Variants in BICD1 observed in about 807,000 individuals in gnomAD.
BICD1 encodes the protein BICD cargo adaptor 1, also known as protein bicaudal D homolog 1.
Under a neutral mutation model 92.5 loss-of-function variants are expected in BICD1, and 35 were observed. That is an observed-to-expected ratio of 0.38 (90% CI 0.29 to 0.50). BICD1 has a LOEUF of 0.50. Ranked by LOEUF, BICD1 falls within the 20% of genes least tolerant of loss-of-function variation. The pLI is 0.93. For synonymous variants in BICD1, 429 were observed against 465.1 expected (o/e 0.92, Z 1.00); for missense variants, 950 against 1,189.8 (o/e 0.80, Z 2.97).
chr12:32,186,773 A>G (rs912745044), intron 1 of BICD1, among the ~76,000 whole-genome samples: 4 of 152,186 alleles, frequency 2.6e-5, no homozygotes, highest in African/African-American at 9.7e-5. Flanking sequence ...TGACTTGACA[A>G]CTTTGCAAAT....
chr12:32,235,654 C>T (rs1211978457), intron 2 of BICD1, among the ~76,000 whole-genome samples: 2 of 151,158 alleles, frequency 1.3e-5, no homozygotes, highest in Non-Finnish European at 2.9e-5. Flanking sequence ...CCTTTTATGA[C>T]TGTGTCACAT....
At chr12:32,249,547 G>C (rs183578517) in intron 2 of BICD1, among the ~76,000 whole-genome samples, 4 of 152,186 alleles carry the variant, frequency 2.6e-5, no homozygotes, top group African/African-American at 9.6e-5. Flanking sequence ...GGCTGTAAGG[G>C]GAGGATTCTT....
At chr12:32,249,434 A>G (rs1482312677) in intron 2 of BICD1, among the ~76,000 whole-genome samples, 1 of 152,166 alleles carries the variant, frequency 6.6e-6, no homozygotes, top group Non-Finnish European at 1.5e-5. Context: ...TTGTCTGTGA[A>G]TATGTCTTTC....
chr12:32,283,614 A>C lies in BICD1; in HGVS notation c.427-10380A>C, dbSNP rs539383693. On this transcript the variant is annotated intron_variant, in intron 2 of 9. Transcript: ENST00000652176. Reference sequence around the variant, plus strand: ...GAACCACCGTTGTAGATAATGAGCAAATTGGGGATCAAAGGATAGGAAACG... The same window carrying C: ...GAACCACCGTTGTAGATAATGAGCACATTGGGGATCAAAGGATAGGAAACG... Among the ~76,000 whole-genome samples the C allele has an allele frequency of 1.6e-3, 245 of 152,336 alleles. 2 individuals are homozygous for C. Among genetic ancestry groups the C allele is most frequent in the African/African-American group, 5.7e-3 (237 of 41,570 alleles).
chr12:32,225,850 G>T (rs1945673562), intron 2 of BICD1, among the ~76,000 whole-genome samples: 2 of 151,922 alleles, frequency 1.3e-5, no homozygotes, highest in Admixed American at 1.3e-4. Context: ...TCAAACTCCT[G>T]GCCTCAGGTG....
At chr12:32,199,229 A>C (rs186032690) in intron 1 of BICD1, among the ~76,000 whole-genome samples, 261 of 152,380 alleles carry the variant, frequency 1.7e-3, no homozygotes, top group African/African-American at 6.1e-3. Flanking sequence ...ATTGGGATTC[A>C]ATCACATTTT....
intron 2 of BICD1, among the ~76,000 whole-genome samples, chr12:32,231,938 T>C (rs1945904830): frequency 6.6e-6 from 1 of 151,280 alleles, no homozygotes; most frequent in Admixed American, 6.6e-5. Flanking sequence ...TATGGCTGCA[T>C]AGTATTCCAT....
At chr12:32,107,607 A>G in intron 1 of BICD1, 63 bp downstream of exon 1, 1 of 1,487,896 alleles carries the variant, frequency 6.7e-7, no homozygotes, top group Non-Finnish European at 9.1e-7. Flanking sequence ...AGGCCCACTC[A>G]TCATGATCAA....
chr12:32,342,455 A>G (rs571451358), intron 8 of BICD1, among the ~76,000 whole-genome samples: 190 of 151,598 alleles, frequency 1.3e-3, no homozygotes, highest in Non-Finnish European at 2.3e-3. Context: ...GGGGTTTCAC[A>G]GTATTAGCCA....
intron 1 of BICD1, among the ~76,000 whole-genome samples, chr12:32,116,502 CTCTCTCTCTATA>C (rs1240574348): frequency 7.7e-5 from 6 of 77,532 alleles, no homozygotes; most frequent in African/African-American, 2.1e-4. Flanking sequence ...TTCTCTCTCT[CTCTCTCTCTATA>C]TATATATATA....
chr12:32,307,798 G>C (rs927136141), intron 4 of BICD1, among the ~76,000 whole-genome samples: 1 of 152,196 alleles, frequency 6.6e-6, no homozygotes, highest in Admixed American at 6.5e-5. Flanking sequence ...ATATTTCCTT[G>C]TGAAAAAGTT....
chr12:32,211,428 C>G (rs947595195), intron 1 of BICD1, among the ~76,000 whole-genome samples: 2 of 152,010 alleles, frequency 1.3e-5, no homozygotes, highest in Non-Finnish European at 2.9e-5. Context: ...TTTTGAAAAT[C>G]TATTCTGGGT....
intron 2 of BICD1, among the ~76,000 whole-genome samples, chr12:32,236,513 C>T (rs1435616308): frequency 1.3e-5 from 2 of 152,146 alleles, no homozygotes; most frequent in Admixed American, 6.6e-5. Context: ...CCTCCCTATT[C>T]CATGAGACAC....
chr12:32,232,826 C>T (rs1945932549), intron 2 of BICD1, among the ~76,000 whole-genome samples: 1 of 152,108 alleles, frequency 6.6e-6, no homozygotes, highest in African/African-American at 2.4e-5. Flanking sequence ...GTTTTCCCAG[C>T]ACCATTTATT....
intron 8 of BICD1, among the ~76,000 whole-genome samples, chr12:32,349,416 T>C (rs1260793388): frequency 6.6e-6 from 1 of 152,068 alleles, no homozygotes; most frequent in Non-Finnish European, 1.5e-5. Context: ...GAGAAGCCAA[T>C]CTCTAGGTTA....
At chr12:32,152,959 G>GT (rs1487447030) in intron 1 of BICD1, among the ~76,000 whole-genome samples, 2 of 152,032 alleles carry the variant, frequency 1.3e-5, no homozygotes, top group Non-Finnish European at 2.9e-5. Context: ...ACATGTGCAG[G>GT]TTTTTTACTG....
intron 1 of BICD1, among the ~76,000 whole-genome samples, chr12:32,203,377 C>T (rs1944961768): frequency 6.6e-6 from 1 of 152,122 alleles, no homozygotes; most frequent in South Asian, 2.1e-4. Context: ...AAAGACATCG[C>T]TAAAAGAGTG....
rs1216414616 is a variant in BICD1, at chr12:32,383,552, T to A, written c.*5925T>A. On this transcript the variant is annotated 3_prime_UTR_variant, in exon 10 of 10. Transcript: ENST00000652176. The stretch of plus-strand genomic sequence containing the variant: ...AGAAGCCAATATATCGATTCTTATA[T>A]CTCGGTTTATGTTACCAACTGAATA... The A allele has an allele frequency of 6.6e-6, 1 of 152,184 alleles. No homozygotes were observed. The highest frequency in any genetic ancestry group is 1.5e-5 in the Non-Finnish European group (1 of 68,010). The allele number at this position is 152,184 out of a possible 1,614,324, so 9.4% of individuals were successfully genotyped here.
intron 2 of BICD1, among the ~76,000 whole-genome samples, chr12:32,252,923 G>A (rs1219683219): frequency 6.6e-6 from 1 of 152,168 alleles, no homozygotes; most frequent in Non-Finnish European, 1.5e-5. Context: ...CCCGGCTGGA[G>A]TGCAGTGGCA....
Sources: allele counts gnomAD v4.1 joint callset (sites outside exome capture counted in the v4.1 genomes callset), GRCh38; gene constraint gnomAD v4.1.1; transcripts MANE v1.5; gene names NCBI Gene and HGNC (gene_info 2026-07-23, HGNC 2026-07-21).